The following ADAMTS3 variants were observed in gnomAD, a reference collection of about 807,000 sequenced individuals.
ADAMTS3 encodes the protein ADAM metallopeptidase with thrombospondin type 1 motif 3.
Under a neutral mutation model 129.0 loss-of-function variants are expected in ADAMTS3, and 73 were observed. That is an observed-to-expected ratio of 0.57 (90% CI 0.47 to 0.69). The LOEUF is 0.69. Ranked by LOEUF, ADAMTS3 falls within the 30% of genes least tolerant of loss-of-function variation. The pLI, the probability that ADAMTS3 is intolerant of heterozygous loss-of-function variation, is 0.00. For synonymous variants in ADAMTS3, 477 were observed against 510.8 expected, an observed-to-expected ratio of 0.93 and a Z score of 0.89; for missense variants, 1,457 against 1,514.5, an observed-to-expected ratio of 0.96 and a Z score of 0.63.
chr4:72,437,595 G>A (rs1717979482), intron 3 of ADAMTS3, among the ~76,000 whole-genome samples: 1 of 151,740 alleles, frequency 6.6e-6, no homozygotes, highest in Non-Finnish European at 1.5e-5. Flanking sequence ...TGCTTTGCGA[G>A]GGTTGTGTTG....
At chr4:72,432,137 A>G (rs1210495806) in intron 3 of ADAMTS3, among the ~76,000 whole-genome samples, 1 of 151,882 alleles carries the variant, frequency 6.6e-6, no homozygotes, top group African/African-American at 2.4e-5. Context: ...TTCTCTTCCT[A>G]GGTACATAGG....
chr4:72,326,615 C>G (rs1719705515), intron 5 of ADAMTS3, among the ~76,000 whole-genome samples: 1 of 151,950 alleles, frequency 6.6e-6, no homozygotes, highest in South Asian at 2.1e-4. Flanking sequence ...AGTGTTGTTG[C>G]TCAAAACAAG....
At chr4:72,518,862 GA>G (rs1720574252) in intron 3 of ADAMTS3, among the ~76,000 whole-genome samples, 1 of 151,782 alleles carries the variant, frequency 6.6e-6, no homozygotes, top group African/African-American at 2.4e-5. Context: ...TGTTATGTGT[GA>G]ATTTGATCCT....
intron 3 of ADAMTS3, among the ~76,000 whole-genome samples, chr4:72,464,141 C>T (rs930970402): frequency 2.0e-5 from 3 of 152,026 alleles, no homozygotes; most frequent in Non-Finnish European, 4.4e-5. Context: ...CCGTGCAAAA[C>T]CTGCGTCACA....
At chr4:72,313,535 C>T in intron 12 of ADAMTS3, 142 bp downstream of exon 12, 1 of 791,496 alleles carries the variant, frequency 1.3e-6, no homozygotes, top group Non-Finnish European at 1.9e-6. Flanking sequence ...ATCAAAAACA[C>T]AGACTGGTTT....
chr4:72,483,885 G>A (rs1719508581), intron 3 of ADAMTS3, among the ~76,000 whole-genome samples: 1 of 152,060 alleles, frequency 6.6e-6, no homozygotes, highest in African/African-American at 2.4e-5. Context: ...AGGCGTGGTG[G>A]CAGGCGCCTG....
At chr4:72,285,744 CT>C (rs1718488047) in intron 21 of ADAMTS3, among the ~76,000 whole-genome samples, 1 of 139,746 alleles carries the variant, frequency 7.2e-6, no homozygotes. Flanking sequence ...AATTTGCCTA[CT>C]GATAAATGAG....
intron 3 of ADAMTS3, among the ~76,000 whole-genome samples, chr4:72,536,068 T>C (rs1414733079): frequency 2.6e-5 from 4 of 152,166 alleles, no homozygotes; most frequent in African/African-American, 9.7e-5. Context: ...ATTTGTGACA[T>C]AGTGCACTAC....
chr4:72,528,521 T>TAAAAAAAAAAAAAAAAAAAA (rs11324929), intron 3 of ADAMTS3, among the ~76,000 whole-genome samples: 1 of 89,682 alleles, frequency 1.1e-5, no homozygotes. Context: ...AAGTGAAAAC[T>TAAAAAAAAAAAAAAAAAAAA]AAAAAAAAAA....
chr4:72,455,860 AG>A (rs1718544984), intron 3 of ADAMTS3, among the ~76,000 whole-genome samples: 2 of 117,008 alleles, frequency 1.7e-5, no homozygotes, highest in South Asian at 2.3e-4. Context: ...TTTTATATAT[AG>A]TATATACACT....
chr4:72,419,032 G>A (rs1578663085), intron 3 of ADAMTS3, among the ~76,000 whole-genome samples: 1 of 152,102 alleles, frequency 6.6e-6, no homozygotes, highest in Non-Finnish European at 1.5e-5. Flanking sequence ...AAGCTGGCTG[G>A]TTTTTATTCT....
At position 72,378,533 on chromosome 4, in the gene ADAMTS3, G is replaced by C. The variant is rs193248736; in HGVS notation, c.661+36282C>G. Among the ~76,000 whole-genome samples, 977 of 152,246 alleles carry C rather than the reference G, an allele frequency of 6.4e-3. 3 individuals carry two copies. The highest frequency in any genetic ancestry group is 0.01 in the Non-Finnish European group (697 of 68,016). On this transcript the variant is annotated intron_variant, in intron 4 of 21. Coordinates refer to ENST00000286657, the MANE Select transcript of ADAMTS3 (RefSeq NM_014243.3). ...AACCATCTTAGATAGGCCGTTAGTA[G>C]TAAACTTGAGCTTCCATGCAAGAGG...
At chr4:72,464,951 G>C (rs1422401888) in intron 3 of ADAMTS3, among the ~76,000 whole-genome samples, 1 of 151,912 alleles carries the variant, frequency 6.6e-6, no homozygotes, top group Non-Finnish European at 1.5e-5. Context: ...TCTGAGCATT[G>C]GGCTTCTAAA....
chr4:72,324,555 A>T (rs755731037), intron 5 of ADAMTS3, among the ~76,000 whole-genome samples: 1 of 152,228 alleles, frequency 6.6e-6, no homozygotes, highest in East Asian at 1.9e-4. Flanking sequence ...ACACACATAC[A>T]TTTATACATA....
At chr4:72,470,686 G>A (rs528926800) in intron 3 of ADAMTS3, among the ~76,000 whole-genome samples, 137 of 151,838 alleles carry the variant, frequency 9.0e-4, no homozygotes, top group African/African-American at 1.5e-3. Flanking sequence ...GTTGATATTC[G>A]CACTGGTGGC....
intron 3 of ADAMTS3, among the ~76,000 whole-genome samples, chr4:72,424,900 C>T (rs938018677): frequency 2.0e-5 from 3 of 152,060 alleles, no homozygotes; most frequent in African/African-American, 7.2e-5. Flanking sequence ...ATTTTTTCTT[C>T]TTTTATTTTC....
At chr4:72,432,944 C>T (rs1722733659) in intron 3 of ADAMTS3, among the ~76,000 whole-genome samples, 1 of 151,920 alleles carries the variant, frequency 6.6e-6, no homozygotes, top group Non-Finnish European at 1.5e-5. Flanking sequence ...ACTAGTTCTA[C>T]ATTGGAACAG....
intron 3 of ADAMTS3, among the ~76,000 whole-genome samples, chr4:72,515,380 T>G (rs984340076): frequency 4.6e-5 from 7 of 151,874 alleles, no homozygotes; most frequent in African/African-American, 1.7e-4. Flanking sequence ...CAAATGGTAT[T>G]TCTAGTTCTA....
At chr4:72,473,638 T>C (rs999548882) in intron 3 of ADAMTS3, among the ~76,000 whole-genome samples, 7 of 151,578 alleles carry the variant, frequency 4.6e-5, no homozygotes, top group African/African-American at 1.7e-4. Flanking sequence ...GTCAAGATTG[T>C]GATGAGTCAT....
Sources: allele counts gnomAD v4.1 joint callset (sites outside exome capture counted in the v4.1 genomes callset), GRCh38; gene constraint gnomAD v4.1.1; transcripts MANE v1.5; gene names NCBI Gene and HGNC (gene_info 2026-07-23, HGNC 2026-07-21).